The following ACAN variants were observed in gnomAD, a reference collection of about 807,000 sequenced individuals.
ACAN encodes the protein aggrecan core protein.
In ACAN, 47 loss-of-function variants were observed where a neutral mutation model predicts 169.1. That is an observed-to-expected ratio of 0.28 (90% confidence interval 0.22 to 0.35). ACAN has a LOEUF of 0.35. ACAN is among the 10% of genes least tolerant of loss of function. ACAN has a pLI of 1.00. For missense variants in ACAN, 2,716 were observed against 2,759.9 expected, an observed-to-expected ratio of 0.98 and a Z score of 0.36; for synonymous variants, 1,115 against 1,112.2, an observed-to-expected ratio of 1.00 and a Z score of -0.05.
chr15:88,838,471 C>A lies in ACAN; in HGVS notation c.71-192C>A, dbSNP rs1037378062. ...AGGCCAGGGGTCTTGAGGAACACTGCTCTGGAAAGGGCGTGGCAAGCCTTT... is the reference window on the plus strand; with the variant it reads ...AGGCCAGGGGTCTTGAGGAACACTGATCTGGAAAGGGCGTGGCAAGCCTTT... On this transcript the variant is annotated intron_variant, in intron 2 of 18. Transcript: ENST00000560601. This position sits in a 1 kb window ranked among gnomAD's most constrained non-coding sequence, Gnocchi z 5.1. Among the ~76,000 whole-genome samples the A allele has an allele frequency of 2.0e-5, 3 of 151,268 alleles. No homozygotes were observed. The highest frequency in any genetic ancestry group is 4.4e-5 in the Non-Finnish European group (3 of 67,980).
intron 8 of ACAN, among the ~76,000 whole-genome samples, chr15:88,847,640 C>T (rs570718351): frequency 1.3e-4 from 20 of 152,228 alleles, no homozygotes; most frequent in Non-Finnish European, 2.8e-4. Context: ...GCAGCCCCCT[C>T]CTCAAGTGCC....
intron 1 of ACAN, among the ~76,000 whole-genome samples, chr15:88,809,244 G>A (rs570539931): frequency 1.3e-5 from 2 of 152,132 alleles, no homozygotes; most frequent in Non-Finnish European, 2.9e-5. Context: ...CCTCTGCTTG[G>A]GGGAGGGGCA....
At chr15:88,848,914 C>T (rs57811765) in intron 9 of ACAN, among the ~76,000 whole-genome samples, 4,149 of 152,238 alleles carry the variant, frequency 0.027, 198 homozygotes, top group African/African-American at 0.095. Flanking sequence ...AAGTGTAAGC[C>T]CTCCTCCCCC....
In ACAN at chr15:88,845,892, T is replaced by A; in HGVS notation, c.1429+10T>A. On this transcript the variant is annotated intron_variant, in intron 7 of 18. Coordinates refer to ENST00000560601, the MANE Select transcript of ACAN (RefSeq NM_001369268.1). ...CCGCATTTGCCAGGGGGTAAGTAGCTGCCCGTGGGTGCATCCAGGGGCAGG... is the reference window on the plus strand; with the variant it reads ...CCGCATTTGCCAGGGGGTAAGTAGCAGCCCGTGGGTGCATCCAGGGGCAGG... The A allele has an allele frequency of 1.4e-6, 2 of 1,445,372 alleles. No homozygotes were observed. The highest frequency in any genetic ancestry group is 3.0e-5 in the South Asian group (2 of 65,578). 89.5% of individuals were successfully genotyped at this position (1,445,372 alleles called of 1,614,324 possible). A position where few individuals can be genotyped will look rare whatever the true frequency, so the allele number is the denominator to read the frequency against.
chr15:88,846,961 A>G (rs990631845), intron 7 of ACAN, among the ~76,000 whole-genome samples: 2 of 152,350 alleles, frequency 1.3e-5, no homozygotes, highest in Admixed American at 6.5e-5. Flanking sequence ...GTCAGGTAGC[A>G]TAGAGCCCAG....
intron 1 of ACAN, among the ~76,000 whole-genome samples, chr15:88,818,139 AG>A (rs1294238305): frequency 8.5e-5 from 13 of 152,234 alleles, no homozygotes; most frequent in Admixed American, 8.5e-4. Context: ...AGAGACAGGA[AG>A]GGATAGAAAA....
intron 1 of ACAN, among the ~76,000 whole-genome samples, chr15:88,830,121 G>T (rs1896323163): frequency 6.6e-6 from 1 of 152,066 alleles, no homozygotes; most frequent in South Asian, 2.1e-4. Context: ...ACTCACGCTG[G>T]GCCAGGGGAG....
At chr15:88,823,945 C>G (rs1896142473) in intron 1 of ACAN, among the ~76,000 whole-genome samples, 1 of 152,180 alleles carries the variant, frequency 6.6e-6, no homozygotes, top group African/African-American at 2.4e-5. Flanking sequence ...AGCTACCCTC[C>G]CTCCTGGGGC....
chr15:88,840,225 A>G (rs1896616767), intron 4 of ACAN, 39 bp downstream of exon 4: 1 of 1,531,340 alleles, frequency 6.5e-7, no homozygotes, highest in East Asian at 2.4e-5. Context: ...GCCAGGAGTC[A>G]GCAGCCACAG....
chr15:88,869,578 G>A lies in ACAN; in HGVS notation c.7060+1249G>A, dbSNP rs1211066871. Among the ~76,000 whole-genome samples the A allele has an allele frequency of 6.6e-6, 1 of 152,192 alleles. No individual in the cohort carries two copies. The highest frequency in any genetic ancestry group is 2.4e-5 in the African/African-American group (1 of 41,448). The stretch of plus-strand genomic sequence containing the variant: ...TTCTCCCCATGATACCACAACATTT[G>A]CCACAGGGTAGAAGAGTCTGGGACT... On this transcript the variant is annotated intron_variant, in intron 14 of 18. Transcript: ENST00000560601. This position sits in a 1 kb window ranked among gnomAD's most constrained non-coding sequence, Gnocchi z 4.2.
rs1896942696 is a variant in ACAN at position 88,852,002 on chromosome 15, C to T, written c.2235C>T (p.Ala745=). The change falls in exon 11 of 19, where the codon GCC becomes GCT. Residue 745 remains alanine (A), a synonymous_variant. Coordinates refer to ENST00000560601, the MANE Select transcript of ACAN (RefSeq NM_001369268.1). ...AAAACCAGACAGAATGGGAACCAGC[C>T]TATACCCCAGTGGGCACATCCCCGC... ...EPENQTEWEP[A]YTPVGTSPLP... is the part of the protein sequence containing the mutation. The T allele has an allele frequency of 1.2e-6, 2 of 1,609,716 alleles. No homozygotes were observed. Among genetic ancestry groups the T allele is most frequent in the Non-Finnish European group, 1.7e-6 (2 of 1,177,996 alleles).
chr15:88,816,965 A>G (rs943886738), intron 1 of ACAN, among the ~76,000 whole-genome samples: 2 of 152,060 alleles, frequency 1.3e-5, no homozygotes, highest in African/African-American at 4.8e-5. Context: ...GTTTTAACAC[A>G]CCAGGAGCCT....
chr15:88,804,475 A>G (rs1417992451), intron 1 of ACAN, among the ~76,000 whole-genome samples: 1 of 152,146 alleles, frequency 6.6e-6, no homozygotes, highest in Non-Finnish European at 1.5e-5. Context: ...CAGTGCCCTG[A>G]ACACACGGGT....
rs1467735139 is a variant in ACAN, at chr15:88,840,047, T to C, written c.490T>C (p.Tyr164His). 4.4e-6 allele frequency: 7 copies of C among 1,602,896 alleles called. No individual in the cohort carries two copies. The highest frequency in any genetic ancestry group is 6.0e-6 in the Non-Finnish European group (7 of 1,174,398). ...VFHYRAISTRYTLDFDRAQRA... is the reference protein window; with the variant it reads ...VFHYRAISTRHTLDFDRAQRA... Reference sequence around the variant, plus strand: ...CCATTACAGAGCCATCTCTACACGCTACACCCTCGACTTTGACAGGGCGCA... The same window carrying C: ...CCATTACAGAGCCATCTCTACACGCCACACCCTCGACTTTGACAGGGCGCA... Residue 164 changes from tyrosine to histidine, a missense_variant, in exon 4 of 19, where the codon TAC becomes CAC. By Grantham distance (83) the Tyr-to-His change is moderately conservative. This residue lies in a region of ACAN where 1,283 missense variants were observed against 1,281.5 expected (regional missense o/e 1.00). Coordinates refer to ENST00000560601, the MANE Select transcript of ACAN (RefSeq NM_001369268.1).
chr15:88,836,034 G>C (rs771902409), intron 1 of ACAN, among the ~76,000 whole-genome samples, 166 bp from the exon 2 acceptor site: 5 of 152,234 alleles, frequency 3.3e-5, no homozygotes, highest in African/African-American at 4.8e-5. Flanking sequence ...GTGAGGGAAG[G>C]ATTTTTTAAG....
At position 88,855,411 on chromosome 15, in the gene ACAN, G is replaced by T. The variant is rs1260532722; in HGVS notation, c.2826G>T (p.Glu942Asp). Residue 942 changes from glutamate to aspartate, a missense_variant, in exon 12 of 19, where the codon GAG (glutamate) becomes GAT (aspartate). Transcript: ENST00000560601. Reference protein sequence around the residue: ...PTVGELPSGAEILEGSASGVG... With the variant: ...PTVGELPSGADILEGSASGVG... ...TTGGTGAACTGCCCTCTGGAGCTGA[G>T]ATCCTAGAGGGCTCTGCCTCTGGAG... The T allele has an allele frequency of 1.2e-6, 2 of 1,613,810 alleles. No individual in the cohort carries two copies. Among genetic ancestry groups the T allele is most frequent in the Non-Finnish European group, 8.5e-7 (1 of 1,179,854 alleles).
In ACAN at chr15:88,858,106, CCTACTA is replaced by C; in HGVS notation, c.5523_5528del (p.Thr1842_Thr1843del). On this transcript the variant is annotated inframe_deletion, in exon 12 of 19. Coordinates refer to ENST00000560601, the MANE Select transcript of ACAN (RefSeq NM_001369268.1). This position sits in a 1 kb window ranked among gnomAD's most constrained non-coding sequence, Gnocchi z 4.0. Reference sequence around the variant, plus strand: ...GGACACCAGTTTGGTTGAAGTGGCCCCTACTACATTTAAAGAAGAAGAAGGCTTAGG... The same window carrying C: ...GGACACCAGTTTGGTTGAAGTGGCCCCATTTAAAGAAGAAGAAGGCTTAGG... The C allele has an allele frequency of 6.2e-7, 1 of 1,613,792 alleles. No individual in the cohort carries two copies.
chr15:88,825,471 A>G (rs1182304423), intron 1 of ACAN, among the ~76,000 whole-genome samples: 3 of 152,234 alleles, frequency 2.0e-5, no homozygotes, highest in East Asian at 1.9e-4. Context: ...CCTAGATAGT[A>G]CATTATGAGT....
rs1342289919 is a variant in ACAN at position 88,858,156 on chromosome 15, C to A, written c.5571C>A (p.Gly1857=). 6.2e-7 allele frequency: 1 copy of A among 1,613,892 alleles called. No homozygotes were observed. Among genetic ancestry groups the A allele is most frequent in the Admixed American group, 1.7e-5 (1 of 60,030 alleles). ...EEGLGSVELS[G]LPSGEADLSG... is the part of the protein sequence containing the mutation. ...GCTTAGGGTCTGTGGAACTCAGTGG[C>A]CTCCCTTCCGGAGAGGCAGATCTGT... is the stretch of plus-strand genomic sequence containing the variant. Residue 1857 remains glycine, a synonymous_variant, in exon 12 of 19, where the codon GGC becomes GGA. Coordinates refer to ENST00000560601, the MANE Select transcript of ACAN (RefSeq NM_001369268.1). The surrounding 1 kb of genome is among the most constrained non-coding windows in gnomAD (Gnocchi z 4.0).
Sources: allele counts gnomAD v4.1 joint callset (sites outside exome capture counted in the v4.1 genomes callset), GRCh38; gene constraint gnomAD v4.1.1; regional missense constraint gnomAD v4.1.1; non-coding constraint Gnocchi (gnomAD v3.1); transcripts MANE v1.5; gene names NCBI Gene and HGNC (gene_info 2026-07-23, HGNC 2026-07-21).